Variants in PAX2 observed in about 807,000 individuals in gnomAD.
PAX2 encodes the protein paired box protein Pax-2.
PAX2 carries 9 observed loss-of-function variants against 41.7 expected under a neutral mutation model. The observed-to-expected ratio is 0.22, with a 90% CI of 0.13 to 0.38. PAX2 has a LOEUF of 0.38. PAX2 is among the 10% of genes least tolerant of loss of function. The pLI is 1.00. For synonymous variants in PAX2, 221 were observed against 212.7 expected (o/e 1.04, Z -0.34); for missense variants, 418 against 531.6 (o/e 0.79, Z 2.10).
At chr10:100,819,833 T>G (rs1327117226) in intron 7 of PAX2, among the ~76,000 whole-genome samples, 7 of 152,214 alleles carry the variant, frequency 4.6e-5, no homozygotes, top group Non-Finnish European at 1.0e-4. Context: ...TTCTCTGTAC[T>G]TGTAAGGGGA....
chr10:100,752,935 A>G (rs1159084739), intron 3 of PAX2, among the ~76,000 whole-genome samples: 1 of 152,238 alleles, frequency 6.6e-6, no homozygotes, highest in Non-Finnish European at 1.5e-5. Context: ...GAATTAGGAC[A>G]AAGTAGACAA....
intron 1 of PAX2, chr10:100,747,937 C>G: frequency 1.0e-6 from 1 of 983,658 alleles, no homozygotes; most frequent in African/African-American, 1.8e-5. Flanking sequence ...CGGGCAGCCA[C>G]TTTGAAACCC....
At position 100,745,970 on chromosome 10, in the gene PAX2, A is replaced by C; in HGVS notation, c.-291A>C. On this transcript the variant is annotated 5_prime_UTR_variant, in exon 1 of 10. Transcript: ENST00000355243. Reference sequence around the variant, plus strand: ...GCTGCAGCGCGAGCCATGCGCCCCCAGTGCACCCCGGCCCGGCCCACCGCC... The same window carrying C: ...GCTGCAGCGCGAGCCATGCGCCCCCCGTGCACCCCGGCCCGGCCCACCGCC... 3.8e-6 allele frequency: 5 copies of C among 1,303,470 alleles called. No individual in the cohort carries two copies. The highest frequency in any genetic ancestry group is 4.9e-6 in the Non-Finnish European group (5 of 1,028,304). The allele number at this position is 1,303,470 out of a possible 1,614,324, so 80.7% of individuals were successfully genotyped here. A position where few individuals can be genotyped will look rare whatever the true frequency, so the allele number is the denominator to read the frequency against.
chr10:100,737,746 G>GC (rs1202273366), intron 1 of PAX2, among the ~76,000 whole-genome samples: 1 of 152,214 alleles, frequency 6.6e-6, no homozygotes, highest in African/African-American at 2.4e-5. Context: ...TGGAGGCCCT[G>GC]CCCCCCTAGA....
intron 5 of PAX2, among the ~76,000 whole-genome samples, chr10:100,792,710 C>T (rs988027430): frequency 6.6e-6 from 1 of 151,890 alleles, no homozygotes; most frequent in African/African-American, 2.4e-5. Flanking sequence ...CCTTTCTCCC[C>T]CCTGCTCTCT....
rs146392954 is a variant in PAX2, at chr10:100,749,879, G to A, written c.177G>A (p.Arg59=). The A allele has an allele frequency of 2.5e-6, 4 of 1,612,452 alleles. No homozygotes were observed. Among genetic ancestry groups the A allele is most frequent in the Admixed American group, 1.7e-5 (1 of 59,988 alleles). Residue 59 remains arginine (R), a synonymous_variant, in exon 2 of 10, where the codon CGG becomes CGA. Transcript: ENST00000355243. ...VRPCDISRQL[R]VSHGCVSKIL... Reference sequence around the variant, plus strand: ...CCTGTGACATCTCCCGGCAGCTGCGGGTCAGCCACGGCTGTGTCAGCAAAA... The same window carrying A: ...CCTGTGACATCTCCCGGCAGCTGCGAGTCAGCCACGGCTGTGTCAGCAAAA...
In PAX2 at chr10:100,745,840, G is replaced by C. The variant is rs1251865319; in HGVS notation, c.-421G>C. Reference sequence around the variant, plus strand: ...CCCGGCTCCCCTCCCGGCGCCCTCTGACCGCCCCCGCCCCGCGCGCTCTCC... The same window carrying C: ...CCCGGCTCCCCTCCCGGCGCCCTCTCACCGCCCCCGCCCCGCGCGCTCTCC... On this transcript the variant is annotated 5_prime_UTR_variant, in exon 1 of 10. Coordinates refer to ENST00000355243, the MANE Select transcript of PAX2 (RefSeq NM_000278.5). 1.9e-6 allele frequency: 2 copies of C among 1,069,390 alleles called. No individual in the cohort carries two copies. Among genetic ancestry groups the C allele is most frequent in the East Asian group, 1.1e-4 (2 of 18,922 alleles). 66.2% of individuals were successfully genotyped at this position (1,069,390 alleles called of 1,614,324 possible). A position where few individuals can be genotyped will look rare whatever the true frequency, so the allele number is the denominator to read the frequency against.
chr10:100,738,578 A>G (rs1312002562), intron 1 of PAX2, among the ~76,000 whole-genome samples: 3 of 152,152 alleles, frequency 2.0e-5, no homozygotes, highest in Non-Finnish European at 4.4e-5. Context: ...ATTCTCCTTA[A>G]TTGATTCAGA....
chr10:100,801,508 C>T (rs1847562701), intron 5 of PAX2, among the ~76,000 whole-genome samples: 1 of 152,228 alleles, frequency 6.6e-6, no homozygotes, highest in Non-Finnish European at 1.5e-5. Flanking sequence ...GTGCTCATGC[C>T]ACAGTGGACA....
chr10:100,756,238 G>C (rs1306169617), intron 3 of PAX2, among the ~76,000 whole-genome samples: 3 of 151,808 alleles, frequency 2.0e-5, no homozygotes, highest in Admixed American at 1.3e-4. Flanking sequence ...TAGGGGTCCT[G>C]CTTCCCAGTC....
chr10:100,799,268 C>T (rs142390796), intron 5 of PAX2, among the ~76,000 whole-genome samples: 1 of 152,338 alleles, frequency 6.6e-6, no homozygotes, highest in Non-Finnish European at 1.5e-5. Flanking sequence ...CTTTTCTTCC[C>T]ATATCACTTT....
At position 100,750,599 on chromosome 10, in the gene PAX2, C is replaced by A. The variant is rs1014189891; in HGVS notation, c.213-95C>A. On this transcript the variant is annotated intron_variant, in intron 2 of 9. Coordinates refer to ENST00000355243, the MANE Select transcript of PAX2 (RefSeq NM_000278.5). The surrounding 1 kb of genome is among the most constrained non-coding windows in gnomAD (Gnocchi z 4.1). ...TTTCCCTCCACTCCGCTGCCTCGGC[C>A]GGGCAGGAGAGTGGCTCAGCAGCTC... 4 of 1,116,256 alleles carry A rather than the reference C, an allele frequency of 3.6e-6. No individual in the cohort carries two copies. The highest frequency in any genetic ancestry group is 2.5e-5 in the East Asian group (1 of 39,636). The allele number at this position is 1,116,256 out of a possible 1,614,324, so 69.1% of individuals were successfully genotyped here. A position where few individuals can be genotyped will look rare whatever the true frequency, so the allele number is the denominator to read the frequency against.
chr10:100,802,658 G>A (rs949151253), intron 5 of PAX2, among the ~76,000 whole-genome samples: 2 of 152,070 alleles, frequency 1.3e-5, no homozygotes, highest in African/African-American at 4.8e-5. Flanking sequence ...GTACCTACTC[G>A]GGGCCATTCC....
At chr10:100,777,097 ATT>A (rs532321832) in intron 3 of PAX2, among the ~76,000 whole-genome samples, 8,219 of 122,072 alleles carry the variant, frequency 0.067, 580 homozygotes, top group African/African-American at 0.22. Flanking sequence ...TGGTACTGTG[ATT>A]TTTTTTTTTT....
intron 1 of PAX2, 68 bp from the exon 2 acceptor site, chr10:100,749,678 C>T (rs1458822798): frequency 2.6e-6 from 4 of 1,560,624 alleles, no homozygotes; most frequent in Non-Finnish European, 2.6e-6. Flanking sequence ...TCCCGGGCCG[C>T]GGACCCTGAC....
In PAX2 at chr10:100,745,810, A is replaced by G. The variant is rs1845140633; in HGVS notation, c.-451A>G. 2 of 1,082,274 alleles carry G rather than the reference A, an allele frequency of 1.8e-6. No individual in the cohort carries two copies. Among genetic ancestry groups the G allele is most frequent in the Admixed American group, 5.4e-5 (1 of 18,652 alleles). 67.0% of individuals were successfully genotyped at this position (1,082,274 alleles called of 1,614,324 possible). A position where few individuals can be genotyped will look rare whatever the true frequency, so the allele number is the denominator to read the frequency against. On this transcript the variant is annotated 5_prime_UTR_variant, in exon 1 of 10. Coordinates refer to ENST00000355243, the MANE Select transcript of PAX2 (RefSeq NM_000278.5). ...ACTTCGCCAACTCGCCAGCACTTGG[A>G]GAGGCCCGGCTCCCCTCCCGGCGCC...
intron 3 of PAX2, among the ~76,000 whole-genome samples, chr10:100,767,249 C>A: frequency 6.6e-6 from 1 of 152,286 alleles, no homozygotes; most frequent in Middle Eastern, 3.4e-3. Flanking sequence ...CAGCAGAAAA[C>A]GATCACAGCT....
intron 3 of PAX2, among the ~76,000 whole-genome samples, chr10:100,767,794 G>A (rs1157820057): frequency 1.3e-5 from 2 of 152,112 alleles, no homozygotes; most frequent in African/African-American, 2.4e-5. Flanking sequence ...GTTATGGAGC[G>A]AAGTTAAAAA....
rs190481540 is a variant in PAX2, at chr10:100,782,022, G to A, written c.616+657G>A. Among the ~76,000 whole-genome samples the A allele has an allele frequency of 2.1e-4, 32 of 152,312 alleles. No individual in the cohort carries two copies. The East Asian group carries it at 5.6e-3, about 27-fold the overall frequency. ...AAAAGAAATAAGGGGGAGAGTGGTA[G>A]GGATGATCCTGGGACAAAGTGTTTT... On this transcript the variant is annotated intron_variant, in intron 5 of 9. Transcript: ENST00000355243.
Sources: gnomAD v4.1 joint callset for allele counts (sites outside exome capture counted in the v4.1 genomes callset) on GRCh38, gnomAD v4.1.1 for gene constraint, Gnocchi (gnomAD v3.1) non-coding constraint, MANE v1.5 for transcripts, NCBI Gene and HGNC (gene_info 2026-07-23, HGNC 2026-07-21) for gene names.